The following SRGAP2 variants were observed in gnomAD, a reference collection of about 807,000 sequenced individuals.
SRGAP2 encodes the protein SLIT-ROBO Rho GTPase-activating protein 2.
Under a neutral mutation model 57.2 loss-of-function variants are expected in SRGAP2, and 15 were observed. The observed-to-expected ratio is 0.26, with a 90% CI of 0.18 to 0.40. The LOEUF (loss-of-function observed/expected upper bound fraction) is 0.40, where lower values mean the gene tolerates loss of function less well. SRGAP2 is among the 10% of genes least tolerant of loss of function. The pLI is 1.00. For missense variants in SRGAP2, 520 were observed against 669.6 expected (o/e 0.78, Z 2.47); for synonymous variants, 249 against 248.0 (o/e 1.00, Z -0.04).
chr1:206,286,870 T>G (rs1671057345), intron 2 of SRGAP2, among the ~76,000 whole-genome samples: 1 of 151,700 alleles, frequency 6.6e-6, no homozygotes, highest in African/African-American at 2.4e-5. Context: ...AAGGGTGAAC[T>G]GGGCCATGTA....
At chr1:206,331,516 G>A (rs1674353672) in intron 3 of SRGAP2, among the ~76,000 whole-genome samples, 1 of 148,938 alleles carries the variant, frequency 6.7e-6, no homozygotes, top group Admixed American at 6.7e-5. Context: ...TATATATTTA[G>A]GATAGTTAGC....
chr1:206,239,952 T>C (rs1668107773), intron 2 of SRGAP2, among the ~76,000 whole-genome samples: 1 of 151,200 alleles, frequency 6.6e-6, no homozygotes, highest in East Asian at 2.0e-4. Flanking sequence ...CTTTTTCGGA[T>C]TACTTTATGT....
rs79660357 is a variant in SRGAP2, at chr1:206,447,366, G to A, written c.2099+1067G>A. On this transcript the variant is annotated intron_variant, in intron 18 of 22. Coordinates refer to ENST00000573034, the MANE Select transcript of SRGAP2 (RefSeq NM_015326.5). ...CTTAATTAGAGGCCAATTGGTCCACGCTTCTCCCTGACCCCCACAGAACAG... is the reference window on the plus strand; with the variant it reads ...CTTAATTAGAGGCCAATTGGTCCACACTTCTCCCTGACCCCCACAGAACAG... Among the ~76,000 whole-genome samples, 495 of 152,240 alleles carry A rather than the reference G, an allele frequency of 3.3e-3. 23 individuals are homozygous for A. In the East Asian group the frequency reaches 0.064, roughly 20 times the overall value.
At chr1:206,341,859 G>A (rs1675217869) in intron 3 of SRGAP2, among the ~76,000 whole-genome samples, 1 of 152,024 alleles carries the variant, frequency 6.6e-6, no homozygotes, top group East Asian at 1.9e-4. Flanking sequence ...TTAGCTGGGC[G>A]TGGTGGCAGG....
chr1:206,342,155 G>A (rs1350212051), intron 3 of SRGAP2, among the ~76,000 whole-genome samples: 1 of 151,944 alleles, frequency 6.6e-6, no homozygotes, highest in Non-Finnish European at 1.5e-5. Context: ...CCTTAGATGT[G>A]TTCTGTGGAA....
intron 2 of SRGAP2, among the ~76,000 whole-genome samples, chr1:206,277,045 A>G (rs1670455067): frequency 2.6e-5 from 4 of 151,338 alleles, no homozygotes; most frequent in Admixed American, 6.6e-5. Context: ...GCTCACGGCA[A>G]CCTCTCCCTC....
chr1:206,375,685 G>C (rs1655132358), intron 4 of SRGAP2, among the ~76,000 whole-genome samples: 1 of 152,054 alleles, frequency 6.6e-6, no homozygotes, highest in Non-Finnish European at 1.5e-5. Flanking sequence ...GCCTCTTCCT[G>C]ACCCCACCCT....
chr1:206,454,399 G>T lies in SRGAP2; in HGVS notation c.2361-479G>T. 3.4e-6 allele frequency: 2 copies of T among 586,078 alleles called. No homozygotes were observed. The highest frequency in any genetic ancestry group is 2.1e-5 in the South Asian group (1 of 47,368). The allele number at this position is 586,078 out of a possible 1,614,324, so 36.3% of individuals were successfully genotyped here. A position where few individuals can be genotyped will look rare whatever the true frequency, so the allele number is the denominator to read the frequency against. ...GACCTGGGACCGGCTTGGATGCTCT[G>T]AGCGGGGCTAGAGGCGCTACGACAG... is the stretch of plus-strand genomic sequence containing the variant. On this transcript the variant is annotated intron_variant, in intron 20 of 22. Transcript: ENST00000573034. This position sits in a 1 kb window ranked among gnomAD's most constrained non-coding sequence, Gnocchi z 4.3.
At chr1:206,354,759 T>A (rs1404822931) in intron 4 of SRGAP2, among the ~76,000 whole-genome samples, 1 of 151,066 alleles carries the variant, frequency 6.6e-6, no homozygotes, top group Non-Finnish European at 1.5e-5. Flanking sequence ...TCTCTCCTTC[T>A]CTCCCTCCTC....
At chr1:206,340,247 G>A (rs1395344172) in intron 3 of SRGAP2, among the ~76,000 whole-genome samples, 2 of 108,570 alleles carry the variant, frequency 1.8e-5, no homozygotes, top group Non-Finnish European at 3.5e-5. Flanking sequence ...ATGGTGTTAG[G>A]TTGATTTTGC....
At chr1:206,310,380 G>A (rs1201387375) in intron 3 of SRGAP2, among the ~76,000 whole-genome samples, 1 of 151,928 alleles carries the variant, frequency 6.6e-6, no homozygotes, top group Non-Finnish European at 1.5e-5. Flanking sequence ...TTTATGTGGG[G>A]TAGGTAGGTT....
intron 16 of SRGAP2, 131 bp from the exon 17 acceptor site, chr1:206,439,845 T>C: frequency 1.6e-6 from 1 of 635,580 alleles, no homozygotes; most frequent in East Asian, 2.7e-5. Flanking sequence ...CTCCTGTCAC[T>C]GCACCAGTGC....
In SRGAP2 at chr1:206,359,798, C is replaced by CTTT. The variant is rs1166916482; in HGVS notation, c.423+16814_423+16816dup. Among the ~76,000 whole-genome samples, 245 of 70,224 alleles carry CTTT rather than the reference C, an allele frequency of 3.5e-3. 60 individuals are homozygous for CTTT. Among genetic ancestry groups the CTTT allele is most frequent in the African/African-American group, 8.7e-3 (147 of 16,904 alleles). The allele number at this position is 70,224 out of a possible 152,430, so 46.1% of individuals were successfully genotyped here. ...AGGATGGGGTACAAGGGATATTGCTCTTTTTTTTTTTTTTTTTTTTTTTTT... is the reference window on the plus strand; with the variant it reads ...AGGATGGGGTACAAGGGATATTGCTCTTTTTTTTTTTTTTTTTTTTTTTTTTTT... On this transcript the variant is annotated intron_variant, in intron 4 of 22. Transcript: ENST00000573034.
At chr1:206,440,951 G>A (rs141298418) in intron 17 of SRGAP2, among the ~76,000 whole-genome samples, 1 of 152,336 alleles carries the variant, frequency 6.6e-6, no homozygotes, top group East Asian at 1.9e-4. Flanking sequence ...CCTATCCCAA[G>A]GTTACCATCT....
At position 206,356,983 on chromosome 1, in the gene SRGAP2, A is replaced by G. The variant is rs1231782661; in HGVS notation, c.423+13975A>G. Among the ~76,000 whole-genome samples, 6 of 139,366 alleles carry G rather than the reference A, an allele frequency of 4.3e-5. No homozygotes were observed. In the East Asian group the frequency reaches 1.2e-3, roughly 28 times the overall value. 91.4% of individuals were successfully genotyped at this position (139,366 alleles called of 152,430 possible). ...TTTACTCAATATGAAACTTCCAGTT[A>G]TAGATTAATTTGAATTCTTTGCACT... On this transcript the variant is annotated intron_variant, in intron 4 of 22. Transcript: ENST00000573034.
intron 3 of SRGAP2, among the ~76,000 whole-genome samples, chr1:206,307,672 C>T (rs1372242911): frequency 1.3e-5 from 2 of 152,256 alleles, no homozygotes; most frequent in Non-Finnish European, 2.9e-5. Flanking sequence ...GGACTCAGTA[C>T]ACCCTCCGCA....
In SRGAP2 at chr1:206,441,094, A is replaced by C. The variant is rs542547829; in HGVS notation, c.1874+1013A>C. 4.6e-5 allele frequency among the ~76,000 whole-genome samples: 7 copies of C among 152,296 alleles called. No homozygotes were observed. In the South Asian group the frequency reaches 1.0e-3, roughly 23 times the overall value. Reference sequence around the variant, plus strand: ...ATAGAATATGGAGAGAGAAATCCTAAATTGTTGGCATGAGCGACAGGGACA... The same window carrying C: ...ATAGAATATGGAGAGAGAAATCCTACATTGTTGGCATGAGCGACAGGGACA... On this transcript the variant is annotated intron_variant, in intron 17 of 22. Transcript: ENST00000573034.
chr1:206,438,973 T>C (rs1553370978), intron 16 of SRGAP2, among the ~76,000 whole-genome samples: 1 of 152,162 alleles, frequency 6.6e-6, no homozygotes, highest in Non-Finnish European at 1.5e-5. Flanking sequence ...TGTTGACTTC[T>C]GTTTGTGGGA....
chr1:206,250,375 TG>T (rs2102583349), intron 2 of SRGAP2, among the ~76,000 whole-genome samples: 1 of 144,864 alleles, frequency 6.9e-6, no homozygotes, highest in African/African-American at 2.6e-5. Flanking sequence ...AGACAGTTTG[TG>T]GGCTTTCAGA....
Sources: allele counts gnomAD v4.1 joint callset (sites outside exome capture counted in the v4.1 genomes callset), GRCh38; gene constraint gnomAD v4.1.1; non-coding constraint Gnocchi (gnomAD v3.1); transcripts MANE v1.5; gene names NCBI Gene and HGNC (gene_info 2026-07-23, HGNC 2026-07-21).